TTBK2: variants seen among roughly 807,000 people sequenced by gnomAD.
TTBK2 encodes tau tubulin kinase 2.
TTBK2 carries 28 observed loss-of-function variants against 110.8 expected under a neutral mutation model. The observed-to-expected ratio is 0.25, with a 90% CI of 0.19 to 0.35. TTBK2 has a LOEUF of 0.35. TTBK2 is among the 10% of genes least tolerant of loss of function. TTBK2 has a pLI of 1.00. For synonymous variants in TTBK2, 532 were observed against 527.3 expected, an observed-to-expected ratio of 1.01 and a Z score of -0.12; for missense variants, 1,369 against 1,500.3, an observed-to-expected ratio of 0.91 and a Z score of 1.45.
At chr15:42,806,544 C>T (rs1168856895) in intron 9 of TTBK2, among the ~76,000 whole-genome samples, 1 of 152,230 alleles carries the variant, frequency 6.6e-6, no homozygotes, top group Non-Finnish European at 1.5e-5. Context: ...TCTTTCCAAC[C>T]TCACCTCAAC....
chr15:42,831,072 T>C (rs983444735), intron 4 of TTBK2, among the ~76,000 whole-genome samples: 1 of 151,820 alleles, frequency 6.6e-6, no homozygotes, highest in Non-Finnish European at 1.5e-5. Flanking sequence ...ATAGAATGCA[T>C]ATACATACAA....
intron 11 of TTBK2, among the ~76,000 whole-genome samples, chr15:42,783,004 A>G (rs9920935): frequency 0.8 from 121,372 of 152,038 alleles, 48,583 homozygotes; most frequent in Middle Eastern, 0.88. Flanking sequence ...ATTACTATTC[A>G]TCCAGATTGT....
intron 7 of TTBK2, among the ~76,000 whole-genome samples, chr15:42,815,283 A>T (rs187869503): frequency 6.6e-6 from 1 of 152,256 alleles, no homozygotes; most frequent in East Asian, 1.9e-4. Flanking sequence ...CGAGAAAAAT[A>T]GCTTTACTAT....
chr15:42,753,042 T>C lies in TTBK2; in HGVS notation c.2204A>G (p.Asp735Gly). 1 of 1,613,846 alleles carries C rather than the reference T, an allele frequency of 6.2e-7. No individual in the cohort carries two copies. Residue 735 changes from aspartate to glycine, a missense_variant, in exon 14 of 15, where the codon GAT becomes GGT. Transcript: ENST00000267890. The part of the protein sequence containing the change: ...GSRTDLGLQI[D>G]HIGHDMLPNI... ...GGGTAACATGTCATGACCAATGTGA[T>C]CTATCTGAAGCCCCAAATCTGTTCT...
At chr15:42,755,948 C>T (rs1002110389) in intron 13 of TTBK2, among the ~76,000 whole-genome samples, 4 of 152,186 alleles carry the variant, frequency 2.6e-5, no homozygotes, top group Non-Finnish European at 2.9e-5. Context: ...ATAATCCCAG[C>T]GCTCTGGGGG....
intron 4 of TTBK2, among the ~76,000 whole-genome samples, chr15:42,830,936 C>T (rs774694740): frequency 1.5e-4 from 22 of 151,258 alleles, no homozygotes; most frequent in Non-Finnish European, 2.1e-4. Flanking sequence ...ACCAGGGAGG[C>T]GGAGGTTGCA....
chr15:42,914,582 A>G (rs1196491029), intron 1 of TTBK2, among the ~76,000 whole-genome samples: 1 of 152,134 alleles, frequency 6.6e-6, no homozygotes, highest in Non-Finnish European at 1.5e-5. Flanking sequence ...AGAAACCCAT[A>G]TTGGAGGGAG....
At chr15:42,900,650 A>G in intron 1 of TTBK2, among the ~76,000 whole-genome samples, 1 of 151,900 alleles carries the variant, frequency 6.6e-6, no homozygotes, top group Non-Finnish European at 1.5e-5. Context: ...TGAACCCGGG[A>G]GGTGGAGGTT....
intron 13 of TTBK2, 76 bp from the exon 14 acceptor site, chr15:42,753,323 T>A: frequency 7.1e-7 from 1 of 1,414,850 alleles, no homozygotes; most frequent in East Asian, 2.4e-5. Context: ...AGATTTAACA[T>A]CTCCAATTCT....
At position 42,758,224 on chromosome 15, in the gene TTBK2, T is replaced by C. The variant is rs187649885; in HGVS notation, c.1999-4977A>G. On this transcript the variant is annotated intron_variant, in intron 13 of 14. Transcript: ENST00000267890. Reference sequence around the variant, plus strand: ...TTTGTTTGTTGACAAAGACAAATAATTGAGCAGAGATATACATAGAATAAT... The same window carrying C: ...TTTGTTTGTTGACAAAGACAAATAACTGAGCAGAGATATACATAGAATAAT... 2.6e-5 allele frequency among the ~76,000 whole-genome samples: 4 copies of C among 152,308 alleles called. No homozygotes were observed. The East Asian group carries it at 5.8e-4, about 22-fold the overall frequency.
intron 1 of TTBK2, among the ~76,000 whole-genome samples, chr15:42,898,293 A>G (rs1426148900): frequency 6.6e-6 from 1 of 151,600 alleles, no homozygotes; most frequent in Non-Finnish European, 1.5e-5. Context: ...AGTGGCTGAT[A>G]CCTGTAATCC....
chr15:42,811,842 T>C, intron 7 of TTBK2, 62 bp from the exon 8 acceptor site: 1 of 1,490,794 alleles, frequency 6.7e-7, no homozygotes, highest in South Asian at 1.2e-5. Context: ...ATTACATTGT[T>C]CAAGGTCTAA....
intron 9 of TTBK2, among the ~76,000 whole-genome samples, chr15:42,798,631 G>A (rs1356165956): frequency 6.6e-6 from 1 of 152,160 alleles, no homozygotes; most frequent in African/African-American, 2.4e-5. Context: ...AAATTTAAAT[G>A]AACCTTTAAG....
intron 4 of TTBK2, among the ~76,000 whole-genome samples, chr15:42,833,134 A>C (rs1484469067): frequency 6.7e-6 from 1 of 148,986 alleles, no homozygotes; most frequent in African/African-American, 2.4e-5. Context: ...TATTACATAC[A>C]AAAAAAAACC....
chr15:42,751,597 C>A (rs1028753796), intron 14 of TTBK2, among the ~76,000 whole-genome samples: 1 of 152,048 alleles, frequency 6.6e-6, no homozygotes, highest in East Asian at 1.9e-4. Flanking sequence ...AATAAAATAA[C>A]CTGGTGTGGT....
chr15:42,813,709 G>T (rs1028806277), intron 7 of TTBK2, among the ~76,000 whole-genome samples: 29 of 151,666 alleles, frequency 1.9e-4, no homozygotes, highest in Admixed American at 1.3e-4. Context: ...AGCTGGGCGT[G>T]GCAGCATATG....
chr15:42,790,477 G>A (rs1244766235), intron 10 of TTBK2, among the ~76,000 whole-genome samples: 1 of 151,566 alleles, frequency 6.6e-6, no homozygotes, highest in African/African-American at 2.4e-5. Flanking sequence ...TAGAGACAGG[G>A]TTTCACCATG....
chr15:42,811,877 T>C, intron 7 of TTBK2, 97 bp from the exon 8 acceptor site: 3 of 1,018,346 alleles, frequency 2.9e-6, no homozygotes, highest in Non-Finnish European at 4.4e-6. Flanking sequence ...CTTATTAGGC[T>C]AAAAATGTAA....
intron 3 of TTBK2, among the ~76,000 whole-genome samples, chr15:42,842,466 C>T (rs1380645803): frequency 6.6e-6 from 1 of 152,104 alleles, no homozygotes; most frequent in East Asian, 1.9e-4. Flanking sequence ...GGGCAGACAG[C>T]CTTTGAAGGA....
Sources: gnomAD v4.1 joint callset for allele counts (sites outside exome capture counted in the v4.1 genomes callset) on GRCh38, gnomAD v4.1.1 for gene constraint, MANE v1.5 for transcripts, NCBI Gene and HGNC (gene_info 2026-07-23, HGNC 2026-07-21) for gene names.